The following CACNB2 variants were observed in gnomAD, a reference collection of about 807,000 sequenced individuals.
The protein encoded by CACNB2 is calcium voltage-gated channel auxiliary subunit beta 2.
Under a neutral mutation model 73.3 loss-of-function variants are expected in CACNB2, and 42 were observed. The ratio of observed to expected loss-of-function variants is 0.57; its 90% CI spans 0.45 to 0.74. CACNB2 has a LOEUF of 0.74. Ranked by LOEUF, CACNB2 falls within the 30% of genes least tolerant of loss-of-function variation. The pLI is 0.00. For synonymous variants in CACNB2, 348 were observed against 310.3 expected, an observed-to-expected ratio of 1.12 and a Z score of -1.28; for missense variants, 940 against 853.0, an observed-to-expected ratio of 1.10 and a Z score of -1.27.
chr10:18,247,777 T>C (rs1221580946), intron 2 of CACNB2, among the ~76,000 whole-genome samples: 2 of 152,168 alleles, frequency 1.3e-5, no homozygotes, highest in Non-Finnish European at 2.9e-5. Flanking sequence ...AAATTTTAGA[T>C]CTTTTACTCC....
At chr10:18,435,804 A>G (rs1461708455) in intron 3 of CACNB2, among the ~76,000 whole-genome samples, 1 of 151,852 alleles carries the variant, frequency 6.6e-6, no homozygotes, top group East Asian at 1.9e-4. Flanking sequence ...CTGCCCCCCA[A>G]CCAACCCAAA....
At chr10:18,324,352 T>A (rs963081817) in intron 2 of CACNB2, among the ~76,000 whole-genome samples, 4 of 152,134 alleles carry the variant, frequency 2.6e-5, no homozygotes, top group African/African-American at 9.7e-5. Context: ...AAATATGGAT[T>A]GGAGTTTGCC....
At chr10:18,439,643 A>G (rs1300144185) in intron 3 of CACNB2, among the ~76,000 whole-genome samples, 1 of 152,214 alleles carries the variant, frequency 6.6e-6, no homozygotes, top group Non-Finnish European at 1.5e-5. Context: ...CCTTCATATT[A>G]TCACACTGTA....
At chr10:18,293,333 T>C (rs1416120693) in intron 2 of CACNB2, among the ~76,000 whole-genome samples, 1 of 152,206 alleles carries the variant, frequency 6.6e-6, no homozygotes, top group African/African-American at 2.4e-5. Context: ...TGAGTTTCTT[T>C]CCCTCCTTAT....
chr10:18,364,325 G>C (rs1264320125), intron 2 of CACNB2, among the ~76,000 whole-genome samples: 1 of 149,420 alleles, frequency 6.7e-6, no homozygotes, highest in African/African-American at 2.5e-5. Context: ...CTGGGAGATA[G>C]AGTCTTGCTC....
chr10:18,359,056 A>T lies in CACNB2; in HGVS notation c.214-42868A>T, dbSNP rs74783359. ...GCAAATAGTGACACAAATTGTCATG[A>T]TGGAAAAGTAACATGTTGGGGGTTT... is the stretch of plus-strand genomic sequence containing the variant. On this transcript the variant is annotated intron_variant, in intron 2 of 13. Transcript: ENST00000324631. Among the ~76,000 whole-genome samples the T allele has an allele frequency of 9.0e-3, 1,373 of 152,238 alleles. 25 individuals carry two copies. The highest frequency in any genetic ancestry group is 0.03 in the African/African-American group (1,229 of 41,522).
intron 2 of CACNB2, among the ~76,000 whole-genome samples, chr10:18,249,415 T>C (rs1431327163): frequency 6.6e-6 from 1 of 152,234 alleles, no homozygotes; most frequent in Admixed American, 6.5e-5. Context: ...TATTCCTGCA[T>C]CTCTTTGCAG....
At chr10:18,357,554 C>T (rs1337780149) in intron 2 of CACNB2, among the ~76,000 whole-genome samples, 2 of 152,088 alleles carry the variant, frequency 1.3e-5, no homozygotes, top group Non-Finnish European at 2.9e-5. Flanking sequence ...TGGTAAAGTT[C>T]CAAACAAAGT....
intron 3 of CACNB2, among the ~76,000 whole-genome samples, chr10:18,473,836 G>C (rs1216455032): frequency 6.6e-6 from 1 of 152,074 alleles, no homozygotes; most frequent in Non-Finnish European, 1.5e-5. Flanking sequence ...ATTCCCTAAG[G>C]TTTCAATAGG....
intron 2 of CACNB2, among the ~76,000 whole-genome samples, chr10:18,177,464 G>A (rs12780903): frequency 0.33 from 22,527 of 69,290 alleles, 1,869 homozygotes; most frequent in Middle Eastern, 0.44. Context: ...TATTAAAAAT[G>A]CAAAAAAAAA....
rs934253518 is a variant in CACNB2 at position 18,428,512 on chromosome 10, C to A, written c.333+26469C>A. On this transcript the variant is annotated intron_variant, in intron 3 of 13. Transcript: ENST00000324631. ...GACCAGCTTGGCCAACATGGTGAAA[C>A]CCCTTCTCTACAAAAATAGAAAAAT... Among the ~76,000 whole-genome samples, 12 of 152,108 alleles carry A rather than the reference C, an allele frequency of 7.9e-5. No homozygotes were observed. In the East Asian group the frequency reaches 2.3e-3, roughly 29 times the overall value.
At chr10:18,279,257 T>TC (rs1205310772) in intron 2 of CACNB2, among the ~76,000 whole-genome samples, 2 of 152,172 alleles carry the variant, frequency 1.3e-5, no homozygotes, top group African/African-American at 4.8e-5. Flanking sequence ...CTCCCGGATC[T>TC]CCCCATTTCC....
At chr10:18,370,360 C>G (rs1265111879) in intron 2 of CACNB2, among the ~76,000 whole-genome samples, 2 of 152,162 alleles carry the variant, frequency 1.3e-5, no homozygotes, top group African/African-American at 4.8e-5. Context: ...GGGGCACTAT[C>G]TGGGTAGGCT....
chr10:18,377,775 C>T (rs1349261564), intron 2 of CACNB2, among the ~76,000 whole-genome samples: 1 of 152,116 alleles, frequency 6.6e-6, no homozygotes, highest in African/African-American at 2.4e-5. Flanking sequence ...CTCCACAAGC[C>T]TGGTATAAAA....
chr10:18,250,382 G>A (rs1426814951), intron 2 of CACNB2, among the ~76,000 whole-genome samples: 2 of 152,214 alleles, frequency 1.3e-5, no homozygotes, highest in East Asian at 1.9e-4. Flanking sequence ...TGTCCTTTCT[G>A]TGGGCAAAGT....
chr10:18,370,266 T>A (rs1425905079), intron 2 of CACNB2, among the ~76,000 whole-genome samples: 1 of 152,050 alleles, frequency 6.6e-6, no homozygotes, highest in Non-Finnish European at 1.5e-5. Context: ...TGGAGCTTGT[T>A]AGGAATGCAG....
At chr10:18,233,202 A>C (rs1050459733) in intron 2 of CACNB2, among the ~76,000 whole-genome samples, 1 of 152,210 alleles carries the variant, frequency 6.6e-6, no homozygotes, top group African/African-American at 2.4e-5. Context: ...CAGGTATCAT[A>C]TTAGCATCAG....
At chr10:18,425,624 G>C (rs2045560044) in intron 3 of CACNB2, among the ~76,000 whole-genome samples, 1 of 152,004 alleles carries the variant, frequency 6.6e-6, no homozygotes, top group South Asian at 2.1e-4. Flanking sequence ...GCCGACATTG[G>C]ACCACTGCAC....
chr10:18,396,039 C>T (rs553428014), intron 2 of CACNB2, among the ~76,000 whole-genome samples: 1 of 152,200 alleles, frequency 6.6e-6, no homozygotes, highest in Non-Finnish European at 1.5e-5. Context: ...TCACTGCAGC[C>T]TCTGCCTCCT....
Sources: gnomAD v4.1 joint callset for allele counts (sites outside exome capture counted in the v4.1 genomes callset) on GRCh38, gnomAD v4.1.1 for gene constraint, MANE v1.5 for transcripts, NCBI Gene and HGNC (gene_info 2026-07-23, HGNC 2026-07-21) for gene names.